TSNARE1: variants seen among roughly 807,000 people sequenced by gnomAD.
TSNARE1 encodes the protein t-SNARE domain-containing protein 1.
Under a neutral mutation model 62.0 loss-of-function variants are expected in TSNARE1, and 49 were observed. The observed-to-expected ratio is 0.79, with a 90% CI of 0.63 to 1.00. The LOEUF (loss-of-function observed/expected upper bound fraction) is 1.00. Ranked by LOEUF, TSNARE1 falls within the 50% of genes least tolerant of loss-of-function variation. The pLI, the probability that TSNARE1 is intolerant of heterozygous loss-of-function variation, is 0.00. For synonymous variants in TSNARE1, 328 were observed against 294.4 expected, an observed-to-expected ratio of 1.11 and a Z score of -1.17; for missense variants, 755 against 700.1, an observed-to-expected ratio of 1.08 and a Z score of -0.88.
intron 9 of TSNARE1, among the ~76,000 whole-genome samples, chr8:142,312,841 A>C (rs1270317868): frequency 6.6e-6 from 1 of 152,228 alleles, no homozygotes; most frequent in African/African-American, 2.4e-5. Flanking sequence ...ACTGCTGTTC[A>C]GTCTCAATAA....
intron 13 of TSNARE1, among the ~76,000 whole-genome samples, chr8:142,228,917 A>AGCTGGGTGGATGGTT (rs1439669004): frequency 6.6e-6 from 1 of 151,700 alleles, no homozygotes; most frequent in Non-Finnish European, 1.5e-5. Context: ...GGTGGATGGT[A>AGCTGGGTGGATGGTT]GCTAGGTGGA....
chr8:142,289,500 G>A (rs1163051760), intron 10 of TSNARE1, among the ~76,000 whole-genome samples: 24 of 152,206 alleles, frequency 1.6e-4, no homozygotes, highest in Admixed American at 1.6e-3. Flanking sequence ...GGGCTGCTCA[G>A]GGCACAGGCA....
At chr8:142,229,678 G>A (rs529150551) in intron 12 of TSNARE1, 99 bp from the exon 13 acceptor site, 2 of 1,022,522 alleles carry the variant, frequency 2.0e-6, no homozygotes, top group South Asian at 1.4e-5. Flanking sequence ...GGCATGCAGG[G>A]GCTGAGTCCA....
At chr8:142,273,137 T>G (rs1401002674) in intron 12 of TSNARE1, 2 of 985,266 alleles carry the variant, frequency 2.0e-6, no homozygotes, top group African/African-American at 3.5e-5. Context: ...CGGCACGGCG[T>G]CCATGGCACA....
chr8:142,396,081 C>T (rs1312871567), intron 1 of TSNARE1, among the ~76,000 whole-genome samples: 1 of 152,020 alleles, frequency 6.6e-6, no homozygotes, highest in Non-Finnish European at 1.5e-5. Context: ...CCTTGATGAC[C>T]CATGCCCTCA....
At chr8:142,380,974 T>C (rs1407362447) in intron 1 of TSNARE1, among the ~76,000 whole-genome samples, 1 of 152,146 alleles carries the variant, frequency 6.6e-6, no homozygotes, top group East Asian at 1.9e-4. Flanking sequence ...CACACACACC[T>C]GCACAGCTGG....
intron 9 of TSNARE1, among the ~76,000 whole-genome samples, chr8:142,311,405 C>G (rs1405784732): frequency 6.8e-6 from 1 of 146,848 alleles, no homozygotes; most frequent in Non-Finnish European, 1.5e-5. Flanking sequence ...TCAAGTGGTT[C>G]TCCTGCTTCA....
intron 6 of TSNARE1, among the ~76,000 whole-genome samples, chr8:142,323,753 T>A (rs1011874830): frequency 2.6e-5 from 4 of 152,210 alleles, no homozygotes; most frequent in African/African-American, 9.6e-5. Flanking sequence ...GATGTCAGCA[T>A]TCCCACTCGC....
intron 9 of TSNARE1, among the ~76,000 whole-genome samples, chr8:142,311,226 A>T (rs1477913793): frequency 1.3e-5 from 2 of 148,746 alleles, no homozygotes; most frequent in African/African-American, 5.0e-5. Flanking sequence ...GTGCAATGGC[A>T]ATCTTGGCTC....
Position 142,359,832 on chromosome 8 carries a change from C to T in TSNARE1, c.-39-5069G>A, listed in dbSNP as rs550982443. Among the ~76,000 whole-genome samples, 10 of 152,352 alleles carry T rather than the reference C, an allele frequency of 6.6e-5. No individual in the cohort carries two copies. In the East Asian group the frequency reaches 1.9e-3, roughly 29 times the overall value. On this transcript the variant is annotated intron_variant, in intron 1 of 13. Transcript: ENST00000524325. ...GCAGGGCATGAAACATGCCAGAAGG[C>T]CTCAGACACCCTGGCCACAGCATGC...
At chr8:142,248,353 G>A (rs957231621) in intron 12 of TSNARE1, among the ~76,000 whole-genome samples, 123 of 152,350 alleles carry the variant, frequency 8.1e-4, no homozygotes, top group African/African-American at 2.8e-3. Flanking sequence ...GGCAGCTCCA[G>A]GATGCCCGCA....
chr8:142,290,458 A>T (rs1482205810), intron 10 of TSNARE1, among the ~76,000 whole-genome samples: 1 of 152,352 alleles, frequency 6.6e-6, no homozygotes, highest in East Asian at 1.9e-4. Context: ...TCACTGGCAC[A>T]GCGGAAAAAG....
At chr8:142,377,550 G>T (rs890874513) in intron 1 of TSNARE1, among the ~76,000 whole-genome samples, 10 of 152,162 alleles carry the variant, frequency 6.6e-5, no homozygotes, top group African/African-American at 2.4e-4. Context: ...GCAGGCGAGC[G>T]CCCCAGCAGC....
intron 2 of TSNARE1, 146 bp from the exon 3 acceptor site, chr8:142,346,038 T>C (rs1056113923): frequency 2.2e-6 from 2 of 902,958 alleles, no homozygotes; most frequent in East Asian, 2.8e-5. Flanking sequence ...CTGCCTGCTA[T>C]ATCCTCTGGA....
intron 10 of TSNARE1, among the ~76,000 whole-genome samples, chr8:142,297,481 G>C (rs1824962675): frequency 6.6e-6 from 1 of 152,230 alleles, no homozygotes; most frequent in South Asian, 2.1e-4. Context: ...CAGACCTCAA[G>C]TCTGCCCTAG....
chr8:142,299,720 T>A (rs1006779573), intron 10 of TSNARE1, among the ~76,000 whole-genome samples: 3 of 151,460 alleles, frequency 2.0e-5, no homozygotes, highest in Non-Finnish European at 4.4e-5. Context: ...ACGCACGCAC[T>A]CACATGCACG....
intron 2 of TSNARE1, among the ~76,000 whole-genome samples, chr8:142,346,415 C>T (rs983999906): frequency 7.9e-5 from 12 of 152,384 alleles, no homozygotes; most frequent in South Asian, 2.1e-4. Context: ...CGGCTCCCAG[C>T]CCCCGCACGG....
At chr8:142,226,960 C>A (rs1013613226) in intron 13 of TSNARE1, among the ~76,000 whole-genome samples, 9 of 129,770 alleles carry the variant, frequency 6.9e-5, no homozygotes, top group Admixed American at 4.5e-4. Flanking sequence ...ACCACCACTG[C>A]ACCCACACGG....
chr8:142,270,579 C>T (rs1455200677), intron 12 of TSNARE1: 54 of 984,776 alleles, frequency 5.5e-5, no homozygotes, highest in East Asian at 2.3e-4. Context: ...GCCAGAACCA[C>T]GTAGGGCAGA....
Sources: gnomAD v4.1 joint callset for allele counts (sites outside exome capture counted in the v4.1 genomes callset) on GRCh38, gnomAD v4.1.1 for gene constraint, MANE v1.5 for transcripts, NCBI Gene and HGNC (gene_info 2026-07-23, HGNC 2026-07-21) for gene names.